Variants in NSUN2 observed in about 807,000 individuals in gnomAD.
NSUN2 encodes the protein RNA cytosine C(5)-methyltransferase NSUN2.
In NSUN2, 63 loss-of-function variants were observed where a neutral mutation model predicts 92.7. The ratio of observed to expected loss-of-function variants is 0.68; its 90% confidence interval spans 0.56 to 0.84. The LOEUF is 0.84. NSUN2 is among the 40% of genes least tolerant of loss of function. The pLI is 0.00. For synonymous variants in NSUN2, 356 were observed against 348.3 expected (o/e 1.02, Z -0.25); for missense variants, 989 against 964.9 (o/e 1.02, Z -0.33).
chr5:6,605,816 G>T (rs1390474464), intron 14 of NSUN2, among the ~76,000 whole-genome samples: 1 of 151,454 alleles, frequency 6.6e-6, no homozygotes, highest in Non-Finnish European at 1.5e-5. Flanking sequence ...TCCTGCCTCA[G>T]CCTGAGTAGC....
At chr5:6,623,459 G>A (rs1737542405) in intron 4 of NSUN2, among the ~76,000 whole-genome samples, 174 bp from the exon 5 acceptor site, 3 of 152,068 alleles carry the variant, frequency 2.0e-5, no homozygotes, top group Admixed American at 1.3e-4. Context: ...GTACACTAGC[G>A]GACAAATGGT....
In NSUN2 at chr5:6,600,377, C is replaced by G. The variant is rs1736500929; in HGVS notation, c.1998-145G>C. ...CAAAACTACTGGGAGGACATTTCAT[C>G]TGGATCCGAGGGGTAGGTTTTCTCA... On this transcript the variant is annotated intron_variant, in intron 18 of 18. Transcript: ENST00000264670. 6.9e-6 allele frequency: 5 copies of G among 729,586 alleles called. No homozygotes were observed. In the East Asian group the frequency reaches 1.4e-4, roughly 20 times the overall value. The allele number at this position is 729,586 out of a possible 1,614,324, so 45.2% of individuals were successfully genotyped here. A position where few individuals can be genotyped will look rare whatever the true frequency, so the allele number is the denominator to read the frequency against.
rs756177145 is a variant in NSUN2 at position 6,616,813 on chromosome 5, TC to T, written c.934del (p.Glu312LysfsTer12). On this transcript the variant is annotated frameshift_variant, in exon 9 of 19. Transcript: ENST00000264670. LOFTEE classifies it high-confidence loss of function. ...CGTGGAATACACCATCCTTCCACCT[TC>T]AGCCAGCTGTTCAGCCCCGCGTGTT... is the stretch of plus-strand genomic sequence containing the variant. ...IATRGAEQLA[E>X]GGRMVYSTCS... 6.2e-7 allele frequency: 1 copy of T among 1,614,104 alleles called. No homozygotes were observed. Among genetic ancestry groups the T allele is most frequent in the East Asian group, 2.2e-5 (1 of 44,878 alleles).
intron 6 of NSUN2, chr5:6,621,803 A>C (rs560728855): frequency 7.4e-5 from 36 of 487,554 alleles, no homozygotes; most frequent in Admixed American, 4.5e-4. Flanking sequence ...ATAATTCTAA[A>C]ATAAAGCTCC....
intron 15 of NSUN2, 156 bp downstream of exon 15, chr5:6,605,117 C>G (rs529032766): frequency 1.0e-6 from 1 of 975,680 alleles, no homozygotes; most frequent in East Asian, 2.4e-5. Flanking sequence ...TGTCAGTCAA[C>G]AGCTCTGAAA....
In NSUN2 at chr5:6,609,921, G is replaced by C; in HGVS notation, c.1228C>G (p.Leu410Val). ...TTCTGATGATGGGGTAATATCCTAA[G>C]GCTAAATATATATATATAATTCACA... ...KLQAMHLERC[L>V]RILPHHQNTG... is the part of the protein sequence containing the mutation. Residue 410 changes from leucine (L) to valine (V), a missense_variant and splice_region_variant, in exon 12 of 19, where the codon CTT (leucine) becomes GTT (valine). Coordinates refer to ENST00000264670, the MANE Select transcript of NSUN2 (RefSeq NM_017755.6). 1.3e-6 allele frequency: 2 copies of C among 1,595,244 alleles called. No individual in the cohort carries two copies. Among genetic ancestry groups the C allele is most frequent in the African/African-American group, 1.3e-5 (1 of 74,322 alleles).
At chr5:6,610,683 C>G (rs903650636) in intron 11 of NSUN2, among the ~76,000 whole-genome samples, 1 of 127,406 alleles carries the variant, frequency 7.8e-6, no homozygotes, top group African/African-American at 3.1e-5. Context: ...GACTCTCTCT[C>G]AAAAAAAAAA....
At chr5:6,623,096 A>T in intron 5 of NSUN2, 118 bp downstream of exon 5, 2 of 750,388 alleles carry the variant, frequency 2.7e-6, no homozygotes, top group Non-Finnish European at 4.2e-6. Context: ...CTCTATCCAA[A>T]GTGAAAAGAA....
chr5:6,629,765 G>A (rs989955325), intron 3 of NSUN2, among the ~76,000 whole-genome samples: 2 of 152,136 alleles, frequency 1.3e-5, no homozygotes, highest in South Asian at 2.1e-4. Flanking sequence ...TCCCCGGGCC[G>A]TTTCCCTCAT....
chr5:6,626,945 A>C (rs182927631), intron 3 of NSUN2, among the ~76,000 whole-genome samples: 2,645 of 152,326 alleles, frequency 0.017, 35 homozygotes, highest in South Asian at 0.028. Flanking sequence ...ACTGCTTTTA[A>C]ACTCTGATTT....
intron 3 of NSUN2, among the ~76,000 whole-genome samples, chr5:6,629,384 T>C (rs1220531549): frequency 2.0e-5 from 3 of 152,238 alleles, no homozygotes; most frequent in African/African-American, 7.2e-5. Flanking sequence ...TGACATCGTA[T>C]GGTTTCTCCT....
chr5:6,623,626 C>G (rs1376432949), intron 4 of NSUN2, among the ~76,000 whole-genome samples: 1 of 152,174 alleles, frequency 6.6e-6, no homozygotes. Flanking sequence ...AATATTTAAA[C>G]AAATACCTTC....
Position 6,611,796 on chromosome 5 carries a change from C to A in NSUN2, c.1024G>T (p.Ala342Ser), listed in dbSNP as rs1481834524. 1 of 1,614,136 alleles carries A rather than the reference C, an allele frequency of 6.2e-7. No homozygotes were observed. The highest frequency in any genetic ancestry group is 1.1e-5 in the South Asian group (1 of 91,080). Residue 342 changes from alanine (A) to serine (S), a missense_variant and splice_region_variant, in exon 10 of 19, where the codon GCT (alanine) becomes TCT (serine). By Grantham distance (99) the Ala-to-Ser change is moderately conservative (BLOSUM62 1). Around this residue, in one of 3 missense-constraint regions of NSUN2, gnomAD observed 626 missense variants for 602.3 expected, o/e 1.04. Coordinates refer to ENST00000264670, the MANE Select transcript of NSUN2 (RefSeq NM_017755.6). ...IASLLEKSEG[A>S]LELADVSNEL... The stretch of plus-strand genomic sequence containing the variant: ...TTAGACACATCAGCAAGCTCCAAAG[C>A]ACCTGTGCAGCAAAAGCATGGACGT...
At chr5:6,618,939 G>C (rs1234186914) in intron 7 of NSUN2, among the ~76,000 whole-genome samples, 1 of 152,202 alleles carries the variant, frequency 6.6e-6, no homozygotes, top group Non-Finnish European at 1.5e-5. Context: ...TATCCCATGA[G>C]ATGTAATCCC....
chr5:6,604,967 C>G, intron 15 of NSUN2: 2 of 592,982 alleles, frequency 3.4e-6, no homozygotes, highest in Non-Finnish European at 6.0e-6. Flanking sequence ...GTACTCGCAG[C>G]CTCTACACCT....
intron 10 of NSUN2, 145 bp downstream of exon 10, chr5:6,611,575 CATGAA>C: frequency 1.5e-6 from 1 of 650,068 alleles, no homozygotes; most frequent in Non-Finnish European, 2.6e-6. Flanking sequence ...TGAAATGTGT[CATGAA>C]ATAACACTCC....
At chr5:6,621,385 G>A (rs924982828) in intron 6 of NSUN2, 2 of 152,044 alleles carry the variant, frequency 1.3e-5, no homozygotes, top group Admixed American at 1.3e-4. Context: ...ACAAAGGTGG[G>A]GGAAAGGGGA....
chr5:6,618,729 T>C (rs1737318127), intron 7 of NSUN2, among the ~76,000 whole-genome samples: 2 of 152,218 alleles, frequency 1.3e-5, no homozygotes, highest in Non-Finnish European at 2.9e-5. Flanking sequence ...ATGGAAGTTA[T>C]TTTCATGTTT....
At chr5:6,605,861 T>G (rs367726852) in intron 14 of NSUN2, among the ~76,000 whole-genome samples, 7 of 152,092 alleles carry the variant, frequency 4.6e-5, no homozygotes, top group African/African-American at 1.7e-4. Flanking sequence ...CACCTAATTT[T>G]TTTTTGTATT....
Sources: gnomAD v4.1 joint callset for allele counts (sites outside exome capture counted in the v4.1 genomes callset) on GRCh38, gnomAD v4.1.1 for gene constraint, gnomAD v4.1.1 regional missense constraint, MANE v1.5 for transcripts, NCBI Gene and HGNC (gene_info 2026-07-23, HGNC 2026-07-21) for gene names.